VGLL3: variants seen among roughly 807,000 people sequenced by gnomAD.
VGLL3 encodes the protein vestigial like family member 3.
VGLL3 carries 18 observed loss-of-function variants against 29.2 expected under a neutral mutation model. That is an observed-to-expected ratio of 0.62 (90% CI 0.43 to 0.91). VGLL3 has a LOEUF of 0.91. Ranked by LOEUF, VGLL3 falls within the 40% of genes least tolerant of loss-of-function variation. VGLL3 has a pLI of 0.00. For synonymous variants in VGLL3, 180 were observed against 151.8 expected, an observed-to-expected ratio of 1.19 and a Z score of -1.36; for missense variants, 440 against 413.2, an observed-to-expected ratio of 1.06 and a Z score of -0.56.
Position 86,938,287 on chromosome 3 carries a change from A to G in VGLL3, c.*8737T>C, listed in dbSNP as rs1329662757. The G allele has an allele frequency of 1.3e-5, 2 of 152,446 alleles. No homozygotes were observed. The highest frequency in any genetic ancestry group is 3.9e-4 in the East Asian group (2 of 5,186). 9.4% of individuals were successfully genotyped at this position (152,446 alleles called of 1,614,324 possible). A position where few individuals can be genotyped will look rare whatever the true frequency, so the allele number is the denominator to read the frequency against. On this transcript the variant is annotated 3_prime_UTR_variant, in exon 4 of 4. Transcript: ENST00000398399. ...AGAAGTATTTTTTGTAAGAAAAATG[A>G]TAACACTGGACAGATTTTTCATGTA...
In VGLL3 at chr3:86,940,041, A is replaced by G. The variant is rs1704361243; in HGVS notation, c.*6983T>C. Reference sequence around the variant, plus strand: ...TCTAAAAATCTCATTTTGACACCACATTCTAAATATGGTAGACAGTTAAAA... The same window carrying G: ...TCTAAAAATCTCATTTTGACACCACGTTCTAAATATGGTAGACAGTTAAAA... On this transcript the variant is annotated 3_prime_UTR_variant, in exon 4 of 4. Coordinates refer to ENST00000398399, the MANE Select transcript of VGLL3 (RefSeq NM_016206.4). 6.6e-6 allele frequency: 1 copy of G among 152,222 alleles called. No individual in the cohort carries two copies. The highest frequency in any genetic ancestry group is 1.5e-5 in the Non-Finnish European group (1 of 68,040). 9.4% of individuals were successfully genotyped at this position (152,222 alleles called of 1,614,324 possible).
At chr3:86,957,258 C>T (rs1235682954) in intron 3 of VGLL3, among the ~76,000 whole-genome samples, 2 of 152,184 alleles carry the variant, frequency 1.3e-5, no homozygotes, top group African/African-American at 4.8e-5. Context: ...CGGCCAATAT[C>T]AGCAAACACT....
chr3:86,974,400 A>C (rs139553852), intron 2 of VGLL3, among the ~76,000 whole-genome samples: 3 of 152,238 alleles, frequency 2.0e-5, no homozygotes, highest in Admixed American at 2.0e-4. Flanking sequence ...GATTACAGGC[A>C]TGAGCCACCA....
intron 3 of VGLL3, chr3:86,962,396 T>A (rs1310173059): frequency 3.0e-6 from 3 of 985,270 alleles, no homozygotes; most frequent in Non-Finnish European, 2.4e-6. Context: ...CTTTTAAATT[T>A]TGTGCCAGAG....
At chr3:86,970,256 C>A (rs1398289314) in intron 2 of VGLL3, among the ~76,000 whole-genome samples, 1 of 152,046 alleles carries the variant, frequency 6.6e-6, no homozygotes, top group Admixed American at 6.6e-5. Flanking sequence ...TCAGGGATGA[C>A]CAAATGGACA....
intron 3 of VGLL3, among the ~76,000 whole-genome samples, chr3:86,965,853 G>A (rs1232493587): frequency 6.6e-6 from 1 of 152,168 alleles, no homozygotes; most frequent in Non-Finnish European, 1.5e-5. Flanking sequence ...GACTTCATCA[G>A]TGAGACTTCT....
intron 3 of VGLL3, among the ~76,000 whole-genome samples, chr3:86,952,201 C>T (rs996072018): frequency 2.1e-4 from 32 of 152,082 alleles, no homozygotes; most frequent in African/African-American, 7.0e-4. Context: ...CTGAGAATAA[C>T]GGAGCTGCCA....
chr3:86,986,712 T>G (rs1336309466), intron 1 of VGLL3, among the ~76,000 whole-genome samples: 2 of 152,214 alleles, frequency 1.3e-5, no homozygotes, highest in East Asian at 3.8e-4. Flanking sequence ...AAACTTATGT[T>G]GGAATAGCAA....
At chr3:86,982,258 C>T (rs1251236783) in intron 1 of VGLL3, among the ~76,000 whole-genome samples, 1 of 152,124 alleles carries the variant, frequency 6.6e-6, no homozygotes, top group Non-Finnish European at 1.5e-5. Context: ...GATTCTCCTG[C>T]CTCAGCCTCC....
rs1327566485 is a variant in VGLL3, at chr3:86,968,636, G to C, written c.891C>G (p.Ala297=). Residue 297 remains alanine, a synonymous_variant, in exon 3 of 4, where the codon GCC becomes GCG. Coordinates refer to ENST00000398399, the MANE Select transcript of VGLL3 (RefSeq NM_016206.4). ...VTSATSAWAG[A]FHGTVDIVPS... is the part of the protein sequence containing the mutation. Reference sequence around the variant, plus strand: ...GCACTATGTCTACTGTTCCATGAAAGGCTCCAGCCCATGCTGAGGTAGCAG... The same window carrying C: ...GCACTATGTCTACTGTTCCATGAAACGCTCCAGCCCATGCTGAGGTAGCAG... The C allele has an allele frequency of 1.2e-6, 2 of 1,614,158 alleles. No individual in the cohort carries two copies. The highest frequency in any genetic ancestry group is 3.3e-5 in the Admixed American group (2 of 60,016).
intron 1 of VGLL3, among the ~76,000 whole-genome samples, chr3:86,988,640 C>A (rs1202439510): frequency 5.8e-4 from 8 of 13,770 alleles, no homozygotes; most frequent in Non-Finnish European, 8.6e-4. Context: ...TTTACTTGAC[C>A]AAAAAAAAAA....
chr3:86,970,483 G>GCACACACACACACACACACACACACACA (rs10694503), intron 2 of VGLL3, among the ~76,000 whole-genome samples: 1 of 141,200 alleles, frequency 7.1e-6, no homozygotes, highest in Non-Finnish European at 1.5e-5. Flanking sequence ...TTACACACAC[G>GCACACACACACACACACACACACACACA]CACACACACA....
At chr3:86,976,263 C>T (rs1306656893) in intron 2 of VGLL3, among the ~76,000 whole-genome samples, 2 of 152,242 alleles carry the variant, frequency 1.3e-5, no homozygotes, top group African/African-American at 4.8e-5. Context: ...TGTAGAATTA[C>T]TTTCCCCTAG....
intron 2 of VGLL3, among the ~76,000 whole-genome samples, chr3:86,976,512 A>G (rs1393482898): frequency 6.6e-6 from 1 of 152,242 alleles, no homozygotes; most frequent in East Asian, 1.9e-4. Context: ...AATGAATAAA[A>G]CAGGAGACAT....
At chr3:86,971,918 T>A (rs1705109225) in intron 2 of VGLL3, among the ~76,000 whole-genome samples, 1 of 152,090 alleles carries the variant, frequency 6.6e-6, no homozygotes. Context: ...GCTCCTAACT[T>A]CCATCTCCCG....
chr3:86,984,156 A>G (rs933469058), intron 1 of VGLL3, among the ~76,000 whole-genome samples: 6 of 152,234 alleles, frequency 3.9e-5, no homozygotes, highest in African/African-American at 1.4e-4. Context: ...TCTAGGTGAA[A>G]TTGAACTTCT....
intron 2 of VGLL3, among the ~76,000 whole-genome samples, chr3:86,969,486 A>G (rs2107021012): frequency 6.6e-6 from 1 of 152,340 alleles, no homozygotes; most frequent in African/African-American, 2.4e-5. Context: ...TTCACTGGTA[A>G]AGAAATCTTA....
chr3:86,961,850 C>T (rs1704849473), intron 3 of VGLL3: 2 of 815,114 alleles, frequency 2.5e-6, no homozygotes, highest in African/African-American at 3.7e-5. Context: ...TTAATAAGTA[C>T]ACCCTCAAAA....
intron 3 of VGLL3, chr3:86,962,653 G>A (rs1704876928): frequency 1.1e-6 from 1 of 888,984 alleles, no homozygotes. Flanking sequence ...TAAAAAGTGA[G>A]GTTCTCTTAA....
Sources: gnomAD v4.1 joint callset for allele counts (sites outside exome capture counted in the v4.1 genomes callset) on GRCh38, gnomAD v4.1.1 for gene constraint, MANE v1.5 for transcripts, NCBI Gene and HGNC (gene_info 2026-07-23, HGNC 2026-07-21) for gene names.